The following PRDM10 variants were observed in gnomAD, a reference collection of about 807,000 sequenced individuals.
PRDM10 encodes PR domain zinc finger protein 10.
A neutral mutation model predicts 133.1 loss-of-function variants in PRDM10; 65 were observed. The observed-to-expected ratio is 0.49, with a 90% CI of 0.40 to 0.60. PRDM10 has a LOEUF of 0.60. Ranked by LOEUF, PRDM10 falls within the 20% of genes least tolerant of loss-of-function variation. PRDM10 has a pLI of 0.00. For missense variants in PRDM10, 1,137 were observed against 1,507.1 expected (o/e 0.75, Z 4.07); for synonymous variants, 582 against 580.4 (o/e 1.00, Z -0.04).
chr11:129,911,561 T>C (rs1011747155), intron 18 of PRDM10, among the ~76,000 whole-genome samples: 2 of 152,210 alleles, frequency 1.3e-5, no homozygotes, highest in African/African-American at 4.8e-5. Context: ...ACATTTTCCA[T>C]TGCAGCATGA....
chr11:129,934,372 AC>A (rs1459551233), intron 9 of PRDM10, among the ~76,000 whole-genome samples: 2 of 151,840 alleles, frequency 1.3e-5, no homozygotes, highest in African/African-American at 2.4e-5. Flanking sequence ...CTCTTTCCAA[AC>A]CCTAGAAAAG....
chr11:129,903,002 T>C (rs765935407), intron 20 of PRDM10, among the ~76,000 whole-genome samples: 1 of 151,874 alleles, frequency 6.6e-6, no homozygotes, highest in Non-Finnish European at 1.5e-5. Context: ...TTTAAAAAAA[T>C]AATAAATGGA....
Position 129,947,917 on chromosome 11 carries a change from T to G in PRDM10, c.295-547A>C. On this transcript the variant is annotated intron_variant, in intron 4 of 20. Coordinates refer to ENST00000360871, the MANE Select transcript of PRDM10 (RefSeq NM_199437.2). The surrounding 1 kb of genome is among the most constrained non-coding windows in gnomAD (Gnocchi z 4.6). The stretch of plus-strand genomic sequence containing the variant: ...CCTTTCCAGAGTAGCCATACCACAC[T>G]GGAGGGGGTAAATGAGTTGACCTAT... 2.5e-6 allele frequency: 1 copy of G among 399,992 alleles called. No homozygotes were observed. Among genetic ancestry groups the G allele is most frequent in the East Asian group, 7.1e-5 (1 of 14,054 alleles). The allele number at this position is 399,992 out of a possible 1,614,324, so 24.8% of individuals were successfully genotyped here.
Position 129,957,796 on chromosome 11 carries a change from C to T in PRDM10, c.184G>A (p.Asp62Asn), listed in dbSNP as rs760322075. 1 of 1,614,230 alleles carries T rather than the reference C, an allele frequency of 6.2e-7. No individual in the cohort carries two copies. The highest frequency in any genetic ancestry group is 2.2e-5 in the East Asian group (1 of 44,894). Residue 62 changes from aspartate (D) to asparagine (N), a missense_variant, in exon 3 of 21, where the codon GAT becomes AAT. By Grantham distance (23) the Asp-to-Asn change is conservative. Transcript: ENST00000360871. The part of the protein sequence containing the change: ...TADGASYTSV[D>N]GPEHTLVYIH... The stretch of plus-strand genomic sequence containing the variant: ...TACACCAGCGTGTGCTCTGGACCAT[C>T]CACTGATGTGTAGGAGGCACCATCT...
intron 6 of PRDM10, among the ~76,000 whole-genome samples, chr11:129,943,402 C>T (rs1045424478): frequency 1.3e-5 from 2 of 152,156 alleles, no homozygotes; most frequent in Admixed American, 1.3e-4. Flanking sequence ...AAAGCAAGCC[C>T]CTGTTATAGG....
intron 1 of PRDM10, among the ~76,000 whole-genome samples, chr11:129,977,967 A>AG (rs1215062236): frequency 7.4e-6 from 1 of 135,598 alleles, no homozygotes; most frequent in East Asian, 3.0e-4. Flanking sequence ...TGTCTTTAAA[A>AG]AAAAAAAGAA....
intron 6 of PRDM10, 119 bp from the exon 7 acceptor site, chr11:129,942,748 C>A (rs1345363887): frequency 1.1e-6 from 1 of 893,568 alleles, no homozygotes; most frequent in African/African-American, 1.7e-5. Flanking sequence ...CTGGCTCTTT[C>A]CTTTGTATCT....
rs370378962 is a variant in PRDM10 at position 129,932,135 on chromosome 11, G to T, written c.1254C>A (p.Ser418Arg). The change falls in exon 10 of 21, where the codon AGC (serine) becomes AGA (arginine). Residue 418 changes from serine to arginine, a missense_variant. By Grantham distance (110) the Ser-to-Arg change is moderately radical. Around this residue, in one of 6 missense-constraint regions of PRDM10, gnomAD observed 635 missense variants for 835.2 expected, o/e 0.76. Transcript: ENST00000360871. ...CATCGTCACTCTTTTCCCCATTTTC[G>T]CTGGTGATTTCCAGGCGGATAAATT... ...PPKFIRLEITSENGEKSDDGT... is the reference protein window; with the variant it reads ...PPKFIRLEITRENGEKSDDGT... The T allele has an allele frequency of 3.1e-6, 5 of 1,613,850 alleles. No individual in the cohort carries two copies. Among genetic ancestry groups the T allele is most frequent in the East Asian group, 2.2e-5 (1 of 44,886 alleles).
chr11:129,948,266 T>A (rs1400587069), intron 4 of PRDM10, among the ~76,000 whole-genome samples: 3 of 152,184 alleles, frequency 2.0e-5, no homozygotes, highest in African/African-American at 7.2e-5. Context: ...GCAATCTTGC[T>A]CCTCCTGCCC....
At chr11:129,981,896 CA>C (rs1213919642) in intron 1 of PRDM10, among the ~76,000 whole-genome samples, 6 of 151,194 alleles carry the variant, frequency 4.0e-5, no homozygotes, top group Non-Finnish European at 7.4e-5. Flanking sequence ...AATTCCATCT[CA>C]AAAAAAGTAT....
intron 1 of PRDM10, among the ~76,000 whole-genome samples, chr11:129,983,613 A>G (rs971065168): frequency 6.6e-6 from 1 of 152,162 alleles, no homozygotes; most frequent in African/African-American, 2.4e-5. Flanking sequence ...ATCTATTTTT[A>G]TTTTGACAAA....
intron 1 of PRDM10, among the ~76,000 whole-genome samples, chr11:129,983,095 A>C (rs73579254): frequency 0.17 from 25,868 of 148,828 alleles, 4,685 homozygotes; most frequent in East Asian, 0.51. Context: ...TCCTGTGTCA[A>C]CCTCCCGAAT....
intron 11 of PRDM10, among the ~76,000 whole-genome samples, chr11:129,928,988 A>C (rs142382680): frequency 6.6e-6 from 1 of 152,192 alleles, no homozygotes; most frequent in African/African-American, 2.4e-5. Flanking sequence ...TTTTACTTCA[A>C]CCTTTCACTC....
intron 13 of PRDM10, among the ~76,000 whole-genome samples, chr11:129,920,570 C>T (rs1196794317): frequency 1.3e-5 from 2 of 151,994 alleles, no homozygotes; most frequent in African/African-American, 2.4e-5. Flanking sequence ...GCTAGCTTAA[C>T]CCGCTTCCCT....
intron 17 of PRDM10, among the ~76,000 whole-genome samples, chr11:129,912,830 C>T (rs1222158278): frequency 2.7e-5 from 4 of 150,582 alleles, no homozygotes; most frequent in Non-Finnish European, 4.4e-5. Context: ...GAGGCTGAGG[C>T]GGGGGGATCA....
At position 129,902,244 on chromosome 11, in the gene PRDM10, G is replaced by A. The variant is rs184131866; in HGVS notation, c.*69C>T. Reference sequence around the variant, plus strand: ...AATAAATCTTACAAAAGAGCTCTACGTGTCAGAGCTTTCAGACTTATGAGA... The same window carrying A: ...AATAAATCTTACAAAAGAGCTCTACATGTCAGAGCTTTCAGACTTATGAGA... On this transcript the variant is annotated 3_prime_UTR_variant, in exon 21 of 21. Transcript: ENST00000360871. 1.3e-4 allele frequency: 201 copies of A among 1,522,518 alleles called. No individual in the cohort carries two copies. The African/African-American group carries it at 2.4e-3, about 18-fold the overall frequency. 94.3% of individuals were successfully genotyped at this position (1,522,518 alleles called of 1,614,324 possible). A position where few individuals can be genotyped will look rare whatever the true frequency, so the allele number is the denominator to read the frequency against.
chr11:129,985,615 G>A (rs866697131), intron 1 of PRDM10, among the ~76,000 whole-genome samples: 1 of 151,266 alleles, frequency 6.6e-6, no homozygotes, highest in African/African-American at 2.4e-5. Flanking sequence ...AGTAGGGCAA[G>A]ACCCTGTCTC....
In PRDM10 at chr11:130,002,736, G is replaced by A. The variant is rs1166892609; in HGVS notation, c.-133C>T. 1.2e-5 allele frequency: 2 copies of A among 164,112 alleles called. No individual in the cohort carries two copies. The highest frequency in any genetic ancestry group is 2.7e-5 in the Non-Finnish European group (2 of 74,244). 10.2% of individuals were successfully genotyped at this position (164,112 alleles called of 1,614,324 possible). ...TAGGTACTTACACGACGTTGGGTGA[G>A]GGGAGCTGGAAGATCAGCGGGTCCC... On this transcript the variant is annotated 5_prime_UTR_variant, in exon 1 of 21. Transcript: ENST00000360871.
In PRDM10 at chr11:129,917,120, C is replaced by T. The variant is rs1950383064; in HGVS notation, c.2325+7G>A. 1.3e-6 allele frequency: 2 copies of T among 1,594,806 alleles called. No homozygotes were observed. The highest frequency in any genetic ancestry group is 2.7e-5 in the African/African-American group (2 of 74,538). On this transcript the variant is annotated splice_region_variant and intron_variant, in intron 15 of 20. Coordinates refer to ENST00000360871, the MANE Select transcript of PRDM10 (RefSeq NM_199437.2). Reference sequence around the variant, plus strand: ...GTGGCATACCAATATGAATATTTCCCTTTTACCTTATCGCAATACTGACAA... The same window carrying T: ...GTGGCATACCAATATGAATATTTCCTTTTTACCTTATCGCAATACTGACAA...
Sources: gnomAD v4.1 joint callset for allele counts (sites outside exome capture counted in the v4.1 genomes callset) on GRCh38, gnomAD v4.1.1 for gene constraint, gnomAD v4.1.1 regional missense constraint, Gnocchi (gnomAD v3.1) non-coding constraint, MANE v1.5 for transcripts, NCBI Gene and HGNC (gene_info 2026-07-23, HGNC 2026-07-21) for gene names.